Variants in SHROOM2 observed in about 807,000 individuals in gnomAD.
SHROOM2 encodes protein Shroom2.
Under a neutral mutation model 75.9 loss-of-function variants are expected in SHROOM2, and 33 were observed. The ratio of observed to expected loss-of-function variants is 0.43; its 90% CI spans 0.33 to 0.58. The LOEUF is 0.58. Among genes scored for constraint, SHROOM2 ranks in the 20% least tolerant of loss-of-function variants. SHROOM2 has a pLI of 0.04. For missense variants in SHROOM2, 1,434 were observed against 1,461.2 expected (o/e 0.98, Z 0.30); for synonymous variants, 655 against 663.6 (o/e 0.99, Z 0.20).
intron 1 of SHROOM2, among the ~76,000 whole-genome samples, chrX:9,806,252 A>G (rs2083751053): frequency 9.0e-6 from 1 of 111,012 alleles, no homozygotes; most frequent in Non-Finnish European, 1.9e-5. Flanking sequence ...TGGCAGGGCC[A>G]GTCTCTTCAC....
At chrX:9,825,506 A>G (rs1293675679) in intron 1 of SHROOM2, among the ~76,000 whole-genome samples, 2 of 112,437 alleles carry the variant, frequency 1.8e-5, no homozygotes, top group African/African-American at 6.5e-5. Context: ...TTTTAGAGAA[A>G]GTGACATTGT....
chrX:9,812,712 G>A (rs907559115), intron 1 of SHROOM2, among the ~76,000 whole-genome samples: 1 of 112,227 alleles, frequency 8.9e-6, no homozygotes, highest in African/African-American at 3.2e-5. Context: ...TTAGGGAAGC[G>A]AAAAGCAATC....
intron 1 of SHROOM2, among the ~76,000 whole-genome samples, chrX:9,823,756 C>T (rs757195757): frequency 1.7e-4 from 15 of 85,881 alleles, no homozygotes; most frequent in Admixed American, 1.5e-4. Context: ...TTTCTTTTTT[C>T]TTTTTTCTTT....
chrX:9,836,529 T>TTC (rs1948193457), intron 1 of SHROOM2, among the ~76,000 whole-genome samples: 1 of 105,980 alleles, frequency 9.4e-6, no homozygotes, highest in African/African-American at 3.5e-5. Flanking sequence ...TCCTTCTCCC[T>TTC]TCTCTCTCTC....
At chrX:9,915,591 C>T (rs189875783) in intron 5 of SHROOM2, among the ~76,000 whole-genome samples, 28 of 111,640 alleles carry the variant, frequency 2.5e-4, no homozygotes, top group African/African-American at 8.1e-4. Context: ...ATCTAGCTGG[C>T]GGACCCTTAA....
intron 1 of SHROOM2, among the ~76,000 whole-genome samples, chrX:9,807,406 A>G (rs981815043): frequency 3.6e-5 from 4 of 112,233 alleles, no homozygotes; most frequent in African/African-American, 9.7e-5. Context: ...GGCTGTTTCC[A>G]TGAGCCTGGG....
intron 1 of SHROOM2, among the ~76,000 whole-genome samples, chrX:9,836,430 G>A (rs957564754): frequency 9.1e-6 from 1 of 109,752 alleles, no homozygotes; most frequent in Non-Finnish European, 1.9e-5. Flanking sequence ...GTGTGCCCTC[G>A]CTTCTCTCCC....
chrX:9,869,245 G>A (rs1487702308), intron 1 of SHROOM2, among the ~76,000 whole-genome samples: 5 of 112,972 alleles, frequency 4.4e-5, no homozygotes, highest in Admixed American at 9.3e-5. Flanking sequence ...ACAGGCATGA[G>A]CCACCGCACC....
intron 5 of SHROOM2, among the ~76,000 whole-genome samples, chrX:9,922,818 G>A (rs933694261): frequency 9.0e-6 from 1 of 110,836 alleles, no homozygotes. Flanking sequence ...AGAAGCCATG[G>A]TCTTTTCTCT....
intron 1 of SHROOM2, among the ~76,000 whole-genome samples, chrX:9,855,296 A>T (rs199944326): frequency 0.011 from 138 of 12,522 alleles, 1 homozygote; most frequent in East Asian, 0.042. Context: ...AAAGTATAGT[A>T]AAAAAAAAAA....
At chrX:9,841,017 G>A (rs1261672158) in intron 1 of SHROOM2, among the ~76,000 whole-genome samples, 5 of 111,843 alleles carry the variant, frequency 4.5e-5, no homozygotes, top group South Asian at 3.7e-4. Flanking sequence ...GTGCAATGGC[G>A]CGATCTTGGC....
At chrX:9,879,259 T>C (rs765807324) in intron 2 of SHROOM2, among the ~76,000 whole-genome samples, 7 of 111,254 alleles carry the variant, frequency 6.3e-5, no homozygotes, top group African/African-American at 2.3e-4. Flanking sequence ...TTTTTTTTTA[T>C]TTAATTTTAT....
chrX:9,843,398 C>CT (rs371798781), intron 1 of SHROOM2, among the ~76,000 whole-genome samples: 230 of 101,919 alleles, frequency 2.3e-3, no homozygotes, highest in African/African-American at 3.5e-3. Flanking sequence ...AACCACATGA[C>CT]TTTTTTTTTT....
intron 3 of SHROOM2, among the ~76,000 whole-genome samples, chrX:9,894,112 A>C (rs1396371613): frequency 7.3e-5 from 1 of 13,638 alleles, no homozygotes; most frequent in African/African-American, 3.1e-4. Flanking sequence ...GTTGCAAGGC[A>C]TCTGTTTGGT....
intron 5 of SHROOM2, among the ~76,000 whole-genome samples, chrX:9,913,786 G>C (rs1346484544): frequency 8.9e-6 from 1 of 111,786 alleles, no homozygotes; most frequent in Non-Finnish European, 1.9e-5. Flanking sequence ...CCTCGTAGAT[G>C]GTCTTAAGAT....
intron 8 of SHROOM2, among the ~76,000 whole-genome samples, chrX:9,943,307 T>A (rs989573167): frequency 4.5e-5 from 5 of 111,410 alleles, no homozygotes; most frequent in Admixed American, 3.8e-4. Context: ...GGCTGCCTCG[T>A]ATCTGGCACA....
intron 7 of SHROOM2, 47 bp downstream of exon 7, chrX:9,937,732 C>T (rs2084729396): frequency 9.7e-7 from 1 of 1,035,534 alleles, no homozygotes; most frequent in Middle Eastern, 3.1e-4. Flanking sequence ...TGCCTGGCAT[C>T]TCTTAGGCTT....
rs147529383 is a variant in SHROOM2 at position 9,894,538 on chromosome X, C to T, written c.630C>T (p.Tyr210=). ...GCCACAGCAAGCGCGACTCGGCCTA[C>T]GGCTCCTTCTCCACCAGCTCTAGCA... ...LGSHSKRDSA[Y]GSFSTSSSTP... The change falls in exon 4 of 10, where the codon TAC becomes TAT. Residue 210 remains tyrosine (Y), a synonymous_variant. Transcript: ENST00000380913. 6.8e-5 allele frequency: 82 copies of T among 1,209,733 alleles called. No homozygotes were observed. The East Asian group carries it at 8.0e-4, about 12-fold the overall frequency.
Position 9,788,281 on chromosome X carries a change from G to GT in SHROOM2, c.165+1582dup, listed in dbSNP as rs35341897. On this transcript the variant is annotated intron_variant, in intron 1 of 9. Coordinates refer to ENST00000380913, the MANE Select transcript of SHROOM2 (RefSeq NM_001649.4). ...TCATTAAAAAATAGCTCTTCTAATC[G>GT]TTTTTTTTTTTCCACTTGTAATTAA... is the stretch of plus-strand genomic sequence containing the variant. Among the ~76,000 whole-genome samples the GT allele has an allele frequency of 8.9e-3, 932 of 104,391 alleles. 8 individuals carry two copies. Among genetic ancestry groups the GT allele is most frequent in the African/African-American group, 0.03 (854 of 28,583 alleles). 90.7% of individuals were successfully genotyped at this position (104,391 alleles called of 115,157 possible).
Sources: gnomAD v4.1 joint callset for allele counts (sites outside exome capture counted in the v4.1 genomes callset) on GRCh38, gnomAD v4.1.1 for gene constraint, MANE v1.5 for transcripts, NCBI Gene and HGNC (gene_info 2026-07-23, HGNC 2026-07-21) for gene names.